SMIM18: variants seen among roughly 807,000 people sequenced by gnomAD.
SMIM18 encodes small integral membrane protein 18.
Under a neutral mutation model 5.9 loss-of-function variants are expected in SMIM18, and 4 were observed. That is an observed-to-expected ratio of 0.68 (90% confidence interval 0.33 to 1.56). The LOEUF is 1.56. SMIM18 is among the 40% of genes most tolerant of loss of function. The pLI, the probability that SMIM18 is intolerant of heterozygous loss-of-function variation, is 0.06. For synonymous variants in SMIM18, 37 were observed against 37.4 expected (o/e 0.99, Z 0.04); for missense variants, 89 against 109.7 (o/e 0.81, Z 0.84).
intron 1 of SMIM18, among the ~76,000 whole-genome samples, chr8:30,642,103 C>A (rs961897955): frequency 3.3e-5 from 5 of 152,098 alleles, no homozygotes; most frequent in African/African-American, 9.7e-5. Flanking sequence ...ACATAAACAA[C>A]AGGCTCTTTT....
At chr8:30,640,572 T>C (rs973256972) in intron 1 of SMIM18, among the ~76,000 whole-genome samples, 1 of 152,194 alleles carries the variant, frequency 6.6e-6, no homozygotes, top group Non-Finnish European at 1.5e-5. Context: ...CAGAAAAAGA[T>C]TGTTTTACCT....
At chr8:30,639,227 G>A (rs1208846941) in intron 1 of SMIM18, among the ~76,000 whole-genome samples, 1 of 152,058 alleles carries the variant, frequency 6.6e-6, no homozygotes. Flanking sequence ...GATCATAAAA[G>A]GTATCACTAT....
At chr8:30,643,840 T>C (rs1416087457) in intron 1 of SMIM18, 5 of 152,002 alleles carry the variant, frequency 3.3e-5, no homozygotes, top group Non-Finnish European at 7.4e-5. Flanking sequence ...ATGGGGTTCA[T>C]ACTACTTTGT....
intron 1 of SMIM18, among the ~76,000 whole-genome samples, chr8:30,640,710 AT>A (rs1801785631): frequency 6.6e-6 from 1 of 152,074 alleles, no homozygotes; most frequent in African/African-American, 2.4e-5. Flanking sequence ...ATGTATTTCT[AT>A]TTTTTGGCGG....
At position 30,645,354 on chromosome 8, in the gene SMIM18, G is replaced by GT; in HGVS notation, c.46dup (p.Tyr16LeufsTer14). On this transcript the variant is annotated frameshift_variant, in exon 3 of 3. Coordinates refer to ENST00000517349, the MANE Select transcript of SMIM18 (RefSeq NM_001206847.2). LOFTEE classifies it high-confidence loss of function. ...ATGAAACCACTACCTCTGTTTATCAGTACCTTGGTTTTCAAGTTCAAAAAA... is the reference window on the plus strand; with the variant it reads ...ATGAAACCACTACCTCTGTTTATCAGTTACCTTGGTTTTCAAGTTCAAAAAA... 6.5e-7 allele frequency: 1 copy of GT among 1,535,694 alleles called. No homozygotes were observed.
intron 1 of SMIM18, among the ~76,000 whole-genome samples, chr8:30,638,851 A>C (rs1437181905): frequency 6.6e-6 from 1 of 152,196 alleles, no homozygotes; most frequent in Non-Finnish European, 1.5e-5. Flanking sequence ...TCTGTGCCTT[A>C]ATGGAAAATT....
At chr8:30,642,995 G>C (rs769378019) in intron 1 of SMIM18, among the ~76,000 whole-genome samples, 1 of 152,102 alleles carries the variant, frequency 6.6e-6, no homozygotes, top group Admixed American at 6.6e-5. Flanking sequence ...TGTTGCCCAC[G>C]CTGGAGTGCA....
In SMIM18 at chr8:30,645,645, C is replaced by T. The variant is rs1802047130; in HGVS notation, c.*48C>T. 4 of 1,470,498 alleles carry T rather than the reference C, an allele frequency of 2.7e-6. No individual in the cohort carries two copies. The highest frequency in any genetic ancestry group is 3.6e-6 in the Non-Finnish European group (4 of 1,111,686). The allele number at this position is 1,470,498 out of a possible 1,614,324, so 91.1% of individuals were successfully genotyped here. A position where few individuals can be genotyped will look rare whatever the true frequency, so the allele number is the denominator to read the frequency against. On this transcript the variant is annotated 3_prime_UTR_variant, in exon 3 of 3. Transcript: ENST00000517349. Reference sequence around the variant, plus strand: ...ATCTCTGAAAGCAGCTCAACCTCTTCTGAGAAAAAAAATATATTCTGAGGC... The same window carrying T: ...ATCTCTGAAAGCAGCTCAACCTCTTTTGAGAAAAAAAATATATTCTGAGGC...
intron 1 of SMIM18, among the ~76,000 whole-genome samples, chr8:30,640,316 G>T (rs770472537): frequency 1.3e-5 from 2 of 152,058 alleles, no homozygotes; most frequent in Non-Finnish European, 2.9e-5. Context: ...TTCTCATCTG[G>T]CAACCCAAAG....
chr8:30,645,393 T>C lies in SMIM18; in HGVS notation c.84T>C (p.His28=). Residue 28 remains histidine, a synonymous_variant, in exon 3 of 3, where the codon CAT becomes CAC. Coordinates refer to ENST00000517349, the MANE Select transcript of SMIM18 (RefSeq NM_001206847.2). ...GFQVQKIYPF[H]DNWNTACFVI... ...AAGTTCAAAAAATTTACCCTTTCCA[T>C]GACAACTGGAACACTGCCTGCTTTG... is the stretch of plus-strand genomic sequence containing the variant. 3.3e-6 allele frequency: 5 copies of C among 1,535,706 alleles called. No individual in the cohort carries two copies. The highest frequency in any genetic ancestry group is 4.4e-6 in the Non-Finnish European group (5 of 1,146,896).
At chr8:30,645,162 G>A in intron 2 of SMIM18, 119 bp from the exon 3 acceptor site, 1 of 861,496 alleles carries the variant, frequency 1.2e-6, no homozygotes, top group East Asian at 2.7e-5. Flanking sequence ...TACCATTTAG[G>A]CATTAATTAA....
intron 1 of SMIM18, among the ~76,000 whole-genome samples, chr8:30,642,041 C>T (rs1335936924): frequency 6.6e-6 from 1 of 151,984 alleles, no homozygotes; most frequent in Non-Finnish European, 1.5e-5. Context: ...TTTCCTAATC[C>T]CAATTTGAAT....
Position 30,646,029 on chromosome 8 carries a change from T to C in SMIM18, c.*432T>C. The C allele has an allele frequency of 6.5e-6, 1 of 153,574 alleles. No individual in the cohort carries two copies. The highest frequency in any genetic ancestry group is 1.5e-5 in the Non-Finnish European group (1 of 68,856). The allele number at this position is 153,574 out of a possible 1,614,324, so 9.5% of individuals were successfully genotyped here. On this transcript the variant is annotated 3_prime_UTR_variant, in exon 3 of 3. Transcript: ENST00000517349. ...GAAGTAAAATACTTCCACTTATATA[T>C]ATAAAGTTCCTATTTATTAAAAAGT...
chr8:30,641,748 A>C (rs761778773), intron 1 of SMIM18, among the ~76,000 whole-genome samples: 1 of 152,192 alleles, frequency 6.6e-6, no homozygotes, highest in African/African-American at 2.4e-5. Context: ...GTGACTGTAC[A>C]TACCTGTAAT....
At position 30,645,887 on chromosome 8, in the gene SMIM18, C is replaced by G; in HGVS notation, c.*290C>G. The G allele has an allele frequency of 3.7e-6, 1 of 273,056 alleles. No homozygotes were observed. The highest frequency in any genetic ancestry group is 6.9e-6 in the Non-Finnish European group (1 of 145,416). 16.9% of individuals were successfully genotyped at this position (273,056 alleles called of 1,614,324 possible). On this transcript the variant is annotated 3_prime_UTR_variant, in exon 3 of 3. Transcript: ENST00000517349. ...TCAATATTAAGCAGCAAAAGATAAG[C>G]TGGAAAAGACAAGCAAGGCTAATGA...
At position 30,640,181 on chromosome 8, in the gene SMIM18, G is replaced by T. The variant is rs34813722; in HGVS notation, c.-111+1542G>T. On this transcript the variant is annotated intron_variant, in intron 1 of 2. Coordinates refer to ENST00000517349, the MANE Select transcript of SMIM18 (RefSeq NM_001206847.2). Reference sequence around the variant, plus strand: ...GCCTAAGTTCCAGAGCTTAAATTAAGTGAGTTGCTCTATATTTACAGGCTA... The same window carrying T: ...GCCTAAGTTCCAGAGCTTAAATTAATTGAGTTGCTCTATATTTACAGGCTA... 3.5e-3 allele frequency among the ~76,000 whole-genome samples: 526 copies of T among 152,254 alleles called. 5 individuals are homozygous for T. Among genetic ancestry groups the T allele is most frequent in the African/African-American group, 0.012 (501 of 41,556 alleles).
At chr8:30,639,079 T>C (rs1225248082) in intron 1 of SMIM18, among the ~76,000 whole-genome samples, 1 of 152,206 alleles carries the variant, frequency 6.6e-6, no homozygotes, top group Non-Finnish European at 1.5e-5. Context: ...TATTGGCTGC[T>C]AAAAAATAGT....
chr8:30,644,128 C>T (rs1210909099), intron 1 of SMIM18, among the ~76,000 whole-genome samples: 1 of 152,144 alleles, frequency 6.6e-6, no homozygotes, highest in Non-Finnish European at 1.5e-5. Context: ...ACAGTAAAAA[C>T]TAATTTAGTT....
rs1345010276 is a variant in SMIM18, at chr8:30,645,212, T to G, written c.-29-69T>G. 1.5e-5 allele frequency: 19 copies of G among 1,258,182 alleles called. No homozygotes were observed. In the South Asian group the frequency reaches 2.7e-4, roughly 18 times the overall value. The allele number at this position is 1,258,182 out of a possible 1,614,324, so 77.9% of individuals were successfully genotyped here. A position where few individuals can be genotyped will look rare whatever the true frequency, so the allele number is the denominator to read the frequency against. ...GCCTATACAAATTTACTAAGAAATC[T>G]TAGTACTGAGATTTGAATTAACAGA... is the stretch of plus-strand genomic sequence containing the variant. On this transcript the variant is annotated intron_variant, in intron 2 of 2. Coordinates refer to ENST00000517349, the MANE Select transcript of SMIM18 (RefSeq NM_001206847.2).
Sources: gnomAD v4.1 joint callset for allele counts (sites outside exome capture counted in the v4.1 genomes callset) on GRCh38, gnomAD v4.1.1 for gene constraint, MANE v1.5 for transcripts, NCBI Gene and HGNC (gene_info 2026-07-23, HGNC 2026-07-21) for gene names.